NIBAN3: variants seen among roughly 807,000 people sequenced by gnomAD.
NIBAN3 encodes the protein protein Niban 3.
In NIBAN3, 66 loss-of-function variants were observed where a neutral mutation model predicts 76.4. The ratio of observed to expected loss-of-function variants is 0.86; its 90% confidence interval spans 0.71 to 1.06. The LOEUF (loss-of-function observed/expected upper bound fraction) is 1.06. NIBAN3 is among the 50% of genes least tolerant of loss of function. NIBAN3 has a pLI of 0.00. For missense variants in NIBAN3, 808 were observed against 810.7 expected (o/e 1.00, Z 0.04); for synonymous variants, 360 against 355.2 (o/e 1.01, Z -0.15).
Position 17,552,147 on chromosome 19 carries a change from C to T in NIBAN3, c.*249C>T, listed in dbSNP as rs2144797602. The stretch of plus-strand genomic sequence containing the variant: ...GGGCTGGAGTGCAGTGGCAGGATCT[C>T]GGCTCACTGCAACCTCCGCCTCCCG... On this transcript the variant is annotated 3_prime_UTR_variant, in exon 15 of 15. Transcript: ENST00000599164. The T allele has an allele frequency of 8.2e-6, 2 of 243,832 alleles. No individual in the cohort carries two copies. Among genetic ancestry groups the T allele is most frequent in the African/African-American group, 2.3e-5 (1 of 43,774 alleles). The allele number at this position is 243,832 out of a possible 1,614,324, so 15.1% of individuals were successfully genotyped here.
upstream of NIBAN3, chr19:17,523,500 T>C: frequency 6.5e-7 from 1 of 1,535,820 alleles, no homozygotes; most frequent in Non-Finnish European, 8.8e-7. Context: ...AGCTCAGCTG[T>C]GGGGCTGGTT....
At chr19:17,541,320 C>A (rs2075948927) in intron 9 of NIBAN3, among the ~76,000 whole-genome samples, 2 of 152,144 alleles carry the variant, frequency 1.3e-5, no homozygotes, top group African/African-American at 2.4e-5. Flanking sequence ...CATTCTTAAG[C>A]CTCCATTTCC....
intron 1 of NIBAN3, among the ~76,000 whole-genome samples, chr19:17,529,456 C>A (rs2075672447): frequency 6.6e-6 from 1 of 152,154 alleles, no homozygotes; most frequent in Admixed American, 6.5e-5. Context: ...CCATTGGGTC[C>A]ACATTCCGGG....
At position 17,539,241 on chromosome 19, in the gene NIBAN3, C is replaced by T. The variant is rs2075888488; in HGVS notation, c.687C>T (p.Asp229=). ...RQHQGHFGDD[D]VTLGSDAEVL... ...ACCAAGGCCACTTTGGCGACGACGA[C>T]GTGACCCTAGGCTCAGACGCCGAGG... The change falls in exon 6 of 15, where the codon GAC becomes GAT. Residue 229 remains aspartate (D), a synonymous_variant. Coordinates refer to ENST00000599164, the MANE Select transcript of NIBAN3 (RefSeq NM_001321827.2). 1 of 1,607,310 alleles carries T rather than the reference C, an allele frequency of 6.2e-7. No homozygotes were observed. The highest frequency in any genetic ancestry group is 8.5e-7 in the Non-Finnish European group (1 of 1,177,232).
Position 17,542,091 on chromosome 19 carries a change from T to C in NIBAN3, c.1171-45T>C. The C allele has an allele frequency of 6.2e-7, 1 of 1,612,794 alleles. No homozygotes were observed. Among genetic ancestry groups the C allele is most frequent in the Non-Finnish European group, 8.5e-7 (1 of 1,179,110 alleles). On this transcript the variant is annotated intron_variant, in intron 9 of 14. Transcript: ENST00000599164. The surrounding 1 kb of genome is among the most constrained non-coding windows in gnomAD (Gnocchi z 4.8). ...TAATGGGGTCCCTGGCCCTTTGCAA[T>C]CAGCTGACAGCATTTTTCCCCCAAA...
In NIBAN3 at chr19:17,539,906, T is replaced by C. The variant is rs879384143; in HGVS notation, c.979+141T>C. Reference sequence around the variant, plus strand: ...GAGGGGCGGGGCCAAGCATAGGATGTGCAAGGGAACGGGTGGGGAAGGGGC... The same window carrying C: ...GAGGGGCGGGGCCAAGCATAGGATGCGCAAGGGAACGGGTGGGGAAGGGGC... On this transcript the variant is annotated intron_variant, in intron 8 of 14. Transcript: ENST00000599164. 25 of 217,306 alleles carry C rather than the reference T, an allele frequency of 1.2e-4. 2 individuals carry two copies. The highest frequency in any genetic ancestry group is 6.5e-4 in the South Asian group (11 of 17,046). 13.5% of individuals were successfully genotyped at this position (217,306 alleles called of 1,614,324 possible).
rs34537214 is a variant in NIBAN3, at chr19:17,552,080, ATT to A, written c.*197_*198del. ...TTTCCCCAAGGCTTTCTTTATTTTAATTTTTTTTTTTTTTTTGAGACTGAGTC... is the reference window on the plus strand; with the variant it reads ...TTTCCCCAAGGCTTTCTTTATTTTAATTTTTTTTTTTTTTGAGACTGAGTC... On this transcript the variant is annotated 3_prime_UTR_variant, in exon 15 of 15. Coordinates refer to ENST00000599164, the MANE Select transcript of NIBAN3 (RefSeq NM_001321827.2). 2.3e-3 allele frequency: 688 copies of A among 297,068 alleles called. No homozygotes were observed. The highest frequency in any genetic ancestry group is 4.6e-3 in the South Asian group (51 of 11,172). 18.4% of individuals were successfully genotyped at this position (297,068 alleles called of 1,614,324 possible). A position where few individuals can be genotyped will look rare whatever the true frequency, so the allele number is the denominator to read the frequency against.
At position 17,540,497 on chromosome 19, in the gene NIBAN3, C is replaced by T; in HGVS notation, c.1085C>T (p.Ala362Val). The T allele has an allele frequency of 6.3e-7, 1 of 1,598,494 alleles. No homozygotes were observed. The highest frequency in any genetic ancestry group is 8.5e-7 in the Non-Finnish European group (1 of 1,172,816). ...LLRTVEASLE[A>V]VRTLLAQGMD... ...CGCACCGTGGAAGCCTCGCTCGAGG[C>T]GGTGCGGACCCTCCTGGCTCAAGGC... The change falls in exon 9 of 15, where the codon GCG (alanine) becomes GTG (valine). Residue 362 changes from alanine to valine, a missense_variant. By Grantham distance (64) the Ala-to-Val change is moderately conservative (BLOSUM62 0). Coordinates refer to ENST00000599164, the MANE Select transcript of NIBAN3 (RefSeq NM_001321827.2).
chr19:17,535,531 G>A (rs773489307), intron 4 of NIBAN3, among the ~76,000 whole-genome samples: 43 of 152,054 alleles, frequency 2.8e-4, no homozygotes, highest in Non-Finnish European at 4.4e-4. Context: ...AGGCCAAGGC[G>A]GGCAGATCAC....
In NIBAN3 at chr19:17,553,340, T is replaced by G. The variant is rs1174781971; in HGVS notation, c.*1442T>G. 6.2e-7 allele frequency: 1 copy of G among 1,613,946 alleles called. No homozygotes were observed. ...CCAAATCTTAACTTGGTGTCAAGTTTCCTGGCTGGGAGACAAGCTTTTACC... is the reference window on the plus strand; with the variant it reads ...CCAAATCTTAACTTGGTGTCAAGTTGCCTGGCTGGGAGACAAGCTTTTACC... On this transcript the variant is annotated 3_prime_UTR_variant, in exon 15 of 15. Coordinates refer to ENST00000599164, the MANE Select transcript of NIBAN3 (RefSeq NM_001321827.2).
Position 17,542,639 on chromosome 19 carries a change from G to A in NIBAN3, c.1329+345G>A, listed in dbSNP as rs1294214291. On this transcript the variant is annotated intron_variant, in intron 10 of 14. Transcript: ENST00000599164. This position sits in a 1 kb window ranked among gnomAD's most constrained non-coding sequence, Gnocchi z 4.8. ...CTTGTCTGCATTTGGGGAACGTGGAGCAATTTTTCAGAAATGGGGAAGATA... is the reference window on the plus strand; with the variant it reads ...CTTGTCTGCATTTGGGGAACGTGGAACAATTTTTCAGAAATGGGGAAGATA... Among the ~76,000 whole-genome samples, 1 of 152,198 alleles carries A rather than the reference G, an allele frequency of 6.6e-6. No homozygotes were observed. Among genetic ancestry groups the A allele is most frequent in the Non-Finnish European group, 1.5e-5 (1 of 68,044 alleles).
Position 17,553,281 on chromosome 19 carries a change from C to A in NIBAN3, c.*1383C>A, listed in dbSNP as rs57969878. On this transcript the variant is annotated 3_prime_UTR_variant, in exon 15 of 15. Transcript: ENST00000599164. ...ACAGATTTTGGGGTTTTTTTCTCCG[C>A]TTGCTGTGAGCCTTTTGGGTTTGTT... 6.2e-7 allele frequency: 1 copy of A among 1,603,510 alleles called. No homozygotes were observed. Among genetic ancestry groups the A allele is most frequent in the Non-Finnish European group, 8.5e-7 (1 of 1,173,562 alleles).
At chr19:17,551,634 C>G in intron 14 of NIBAN3, 152 bp from the exon 15 acceptor site, 1 of 480,348 alleles carries the variant, frequency 2.1e-6, no homozygotes, top group Non-Finnish European at 3.8e-6. Context: ...TCTTGAACTC[C>G]TGATCCTTGG....
chr19:17,551,845 G>A lies in NIBAN3; in HGVS notation c.1810G>A (p.Ala604Thr). Residue 604 changes from alanine (A) to threonine (T), a missense_variant, in exon 15 of 15, where the codon GCC becomes ACC. Physicochemically the swap from Ala to Thr is moderately conservative, Grantham distance 58. Coordinates refer to ENST00000599164, the MANE Select transcript of NIBAN3 (RefSeq NM_001321827.2). ...GACPRQPDSG[A>T]QIQPLCPPPS... ...TTGTCCCAGGCAGCCAGACTCTGGTGCCCAGATCCAGCCACTCTGCCCACC... is the reference window on the plus strand; with the variant it reads ...TTGTCCCAGGCAGCCAGACTCTGGTACCCAGATCCAGCCACTCTGCCCACC... 1.3e-6 allele frequency: 1 copy of A among 780,302 alleles called. No homozygotes were observed. Among genetic ancestry groups the A allele is most frequent in the Non-Finnish European group, 2.4e-6 (1 of 417,596 alleles). 48.3% of individuals were successfully genotyped at this position (780,302 alleles called of 1,614,324 possible).
chr19:17,537,129 G>A (rs552891568), intron 4 of NIBAN3, among the ~76,000 whole-genome samples: 16 of 152,252 alleles, frequency 1.1e-4, no homozygotes, highest in African/African-American at 3.4e-4. Flanking sequence ...AGGATGCTAA[G>A]GCTGGAAAAC....
intron 13 of NIBAN3, among the ~76,000 whole-genome samples, chr19:17,548,190 G>T (rs1233072835): frequency 6.6e-6 from 1 of 152,166 alleles, no homozygotes; most frequent in Non-Finnish European, 1.5e-5. Context: ...GCACTGATTG[G>T]GGGGTGAACA....
intron 1 of NIBAN3, among the ~76,000 whole-genome samples, chr19:17,530,322 C>CA (rs2075693413): frequency 7.1e-6 from 1 of 141,070 alleles, no homozygotes; most frequent in Non-Finnish European, 1.5e-5. Context: ...TCCATCAAAA[C>CA]AAAAAACAAA....
intron 9 of NIBAN3, 114 bp downstream of exon 9, chr19:17,540,696 A>AC (rs1442839820): frequency 1.1e-5 from 9 of 787,192 alleles, no homozygotes; most frequent in Non-Finnish European, 1.6e-5. Flanking sequence ...CTTATTGTGG[A>AC]CCCATCACCA....
chr19:17,526,970 C>T (rs1175815900), upstream of NIBAN3, among the ~76,000 whole-genome samples: 1 of 152,106 alleles, frequency 6.6e-6, no homozygotes, highest in Non-Finnish European at 1.5e-5. Flanking sequence ...GGGGGTGTGG[C>T]ACCAGGAACT....
Sources: allele counts gnomAD v4.1 joint callset (sites outside exome capture counted in the v4.1 genomes callset), GRCh38; gene constraint gnomAD v4.1.1; non-coding constraint Gnocchi (gnomAD v3.1); transcripts MANE v1.5; gene names NCBI Gene and HGNC (gene_info 2026-07-23, HGNC 2026-07-21).